KCND2: variants seen among roughly 807,000 people sequenced by gnomAD.
KCND2 encodes the protein potassium voltage-gated channel subfamily D member 2, also known as A-type voltage-gated potassium channel KCND2.
In KCND2, 16 loss-of-function variants were observed where a neutral mutation model predicts 54.4. The observed-to-expected ratio is 0.29, with a 90% CI of 0.20 to 0.45. KCND2 has a LOEUF of 0.45. Ranked by LOEUF, KCND2 falls within the 20% of genes least tolerant of loss-of-function variation. The probability of loss-of-function intolerance (pLI) is 1.00; values close to 1 mark genes in which losing one functional copy is unlikely to be tolerated. For synonymous variants in KCND2, 317 were observed against 310.7 expected, an observed-to-expected ratio of 1.02 and a Z score of -0.21; for missense variants, 486 against 824.2, an observed-to-expected ratio of 0.59 and a Z score of 5.02.
chr7:120,662,684 A>C (rs1791881174), intron 1 of KCND2, among the ~76,000 whole-genome samples: 1 of 152,350 alleles, frequency 6.6e-6, no homozygotes, highest in South Asian at 2.1e-4. Context: ...TGCCTTTCTT[A>C]CTTCAGATAA....
intron 1 of KCND2, among the ~76,000 whole-genome samples, chr7:120,407,984 A>C (rs1230600204): frequency 1.3e-5 from 2 of 151,856 alleles, no homozygotes; most frequent in African/African-American, 4.8e-5. Flanking sequence ...TTATAATTTC[A>C]AAAAGTTATT....
At chr7:120,390,991 G>C (rs143354173) in intron 1 of KCND2, among the ~76,000 whole-genome samples, 3,580 of 152,042 alleles carry the variant, frequency 0.024, 133 homozygotes, top group African/African-American at 0.082. Context: ...ATGGTGGTTT[G>C]CTGCACCTAT....
chr7:120,728,852 A>G (rs1206585794), intron 1 of KCND2, among the ~76,000 whole-genome samples: 1 of 152,136 alleles, frequency 6.6e-6, no homozygotes, highest in African/African-American at 2.4e-5. Flanking sequence ...AGGAGTCAGG[A>G]AAAATGAGAT....
At chr7:120,667,666 T>C (rs952117257) in intron 1 of KCND2, among the ~76,000 whole-genome samples, 2 of 152,070 alleles carry the variant, frequency 1.3e-5, no homozygotes, top group Non-Finnish European at 2.9e-5. Context: ...GTTTTCTTTT[T>C]AGCTTAGAGG....
chr7:120,595,387 G>A (rs1253971474), intron 1 of KCND2, among the ~76,000 whole-genome samples: 4 of 149,618 alleles, frequency 2.7e-5, no homozygotes, highest in Non-Finnish European at 4.4e-5. Context: ...GGAGGTGGAC[G>A]TTGCAGTGAG....
intron 1 of KCND2, among the ~76,000 whole-genome samples, chr7:120,625,984 C>T (rs1316786355): frequency 6.6e-6 from 1 of 151,994 alleles, no homozygotes; most frequent in East Asian, 1.9e-4. Context: ...GACAATAGTG[C>T]ACTTTAAATT....
At chr7:120,484,762 G>A (rs925526188) in intron 1 of KCND2, among the ~76,000 whole-genome samples, 10 of 150,232 alleles carry the variant, frequency 6.7e-5, no homozygotes, top group South Asian at 2.1e-4. Flanking sequence ...GAAGAAAAAC[G>A]TAAATTGAGA....
intron 5 of KCND2, 54 bp from the exon 6 acceptor site, chr7:120,747,627 G>GA: frequency 7.6e-7 from 1 of 1,310,800 alleles, no homozygotes; most frequent in Non-Finnish European, 1.1e-6. Context: ...TCAGTTGTAT[G>GA]AAAAACATTT....
At chr7:120,484,144 G>C (rs181313993) in intron 1 of KCND2, among the ~76,000 whole-genome samples, 66 of 152,278 alleles carry the variant, frequency 4.3e-4, no homozygotes, top group African/African-American at 1.3e-3. Flanking sequence ...TGAGAAGGCA[G>C]TGCCGCCTTG....
Position 120,416,417 on chromosome 7 carries a change from A to T in KCND2, c.1115+140670A>T, listed in dbSNP as rs192445855. The stretch of plus-strand genomic sequence containing the variant: ...TACATAGCTCAAAAATCACTTCTTC[A>T]TAGCAATCTCCCTTGACATTCCAGA... On this transcript the variant is annotated intron_variant, in intron 1 of 5. Transcript: ENST00000331113. Among the ~76,000 whole-genome samples, 266 of 152,292 alleles carry T rather than the reference A, an allele frequency of 1.7e-3. 1 individual carries two copies. Among genetic ancestry groups the T allele is most frequent in the African/African-American group, 6.3e-3 (263 of 41,564 alleles).
chr7:120,631,578 A>T (rs1793234578), intron 1 of KCND2, among the ~76,000 whole-genome samples: 1 of 152,090 alleles, frequency 6.6e-6, no homozygotes, highest in Non-Finnish European at 1.5e-5. Flanking sequence ...ACTTGATGGA[A>T]TGCTTTCTAA....
intron 1 of KCND2, among the ~76,000 whole-genome samples, chr7:120,498,134 C>T (rs760938471): frequency 9.2e-5 from 14 of 152,218 alleles, no homozygotes; most frequent in African/African-American, 1.4e-4. Flanking sequence ...TACCTTACAA[C>T]GGACAGCAGA....
chr7:120,467,700 G>A (rs1165962164), intron 1 of KCND2, among the ~76,000 whole-genome samples: 2 of 152,074 alleles, frequency 1.3e-5, no homozygotes, highest in Non-Finnish European at 2.9e-5. Flanking sequence ...TATAAAATTT[G>A]CAGTTTGTTT....
At chr7:120,452,630 A>G (rs1400072094) in intron 1 of KCND2, among the ~76,000 whole-genome samples, 1 of 151,454 alleles carries the variant, frequency 6.6e-6, no homozygotes, top group African/African-American at 2.5e-5. Context: ...TGCTCTCACA[A>G]TGAACCTCTG....
chr7:120,399,228 T>G (rs1801204453), intron 1 of KCND2, among the ~76,000 whole-genome samples: 1 of 151,798 alleles, frequency 6.6e-6, no homozygotes, highest in South Asian at 2.1e-4. Flanking sequence ...TGATTGGTAG[T>G]TGTAACAGCG....
intron 1 of KCND2, among the ~76,000 whole-genome samples, chr7:120,634,034 A>G (rs944949956): frequency 3.3e-5 from 5 of 152,182 alleles, no homozygotes; most frequent in African/African-American, 1.2e-4. Context: ...AAAAGTTCTA[A>G]TCACTAGCTA....
intron 1 of KCND2, among the ~76,000 whole-genome samples, chr7:120,469,623 G>A: frequency 6.6e-6 from 1 of 152,084 alleles, no homozygotes; most frequent in East Asian, 1.9e-4. Context: ...CATAGGATAT[G>A]TCCCCAGAAA....
intron 1 of KCND2, among the ~76,000 whole-genome samples, chr7:120,468,594 A>T (rs1334272898): frequency 1.3e-5 from 2 of 152,142 alleles, no homozygotes; most frequent in East Asian, 3.8e-4. Flanking sequence ...TATTTTCTGT[A>T]GGCTATTTTT....
At chr7:120,705,017 T>A (rs1792448524) in intron 1 of KCND2, among the ~76,000 whole-genome samples, 1 of 152,220 alleles carries the variant, frequency 6.6e-6, no homozygotes, top group South Asian at 2.1e-4. Flanking sequence ...CCTTTAATAC[T>A]GCCTATTAAT....
Sources: gnomAD v4.1 joint callset for allele counts (sites outside exome capture counted in the v4.1 genomes callset) on GRCh38, gnomAD v4.1.1 for gene constraint, MANE v1.5 for transcripts, NCBI Gene and HGNC (gene_info 2026-07-23, HGNC 2026-07-21) for gene names.